Variants in TUSC3 observed in about 807,000 individuals in gnomAD.
The protein encoded by TUSC3 is dolichyl-diphosphooligosaccharide--protein glycosyltransferase subunit TUSC3.
TUSC3 carries 45 observed loss-of-function variants against 44.8 expected under a neutral mutation model. The ratio of observed to expected loss-of-function variants is 1.00; its 90% CI spans 0.79 to 1.29. TUSC3 has a LOEUF of 1.29. Among genes scored for constraint, TUSC3 ranks in the 50% most tolerant of loss-of-function variants. The pLI is 0.00. For missense variants in TUSC3, 519 were observed against 437.9 expected (o/e 1.19, Z -1.65); for synonymous variants, 212 against 152.9 (o/e 1.39, Z -2.85).
chr8:15,641,379 A>AT (rs1554466343), intron 2 of TUSC3, among the ~76,000 whole-genome samples: 2 of 151,034 alleles, frequency 1.3e-5, no homozygotes, highest in Non-Finnish European at 3.0e-5. Flanking sequence ...AAAAAAAAAA[A>AT]GAAAAGTTGC....
intron 6 of TUSC3, among the ~76,000 whole-genome samples, chr8:15,698,666 A>G (rs1399089852): frequency 6.6e-6 from 1 of 152,134 alleles, no homozygotes; most frequent in Non-Finnish European, 1.5e-5. Context: ...GATATTTAGG[A>G]TATTTTTTCT....
intron 1 of TUSC3, among the ~76,000 whole-genome samples, chr8:15,591,643 T>C (rs1017243791): frequency 1.3e-5 from 2 of 152,218 alleles, no homozygotes; most frequent in African/African-American, 4.8e-5. Flanking sequence ...GGAAAAGCTT[T>C]ATTTTTGACT....
intron 2 of TUSC3, among the ~76,000 whole-genome samples, chr8:15,489,230 G>C (rs1029456625): frequency 5.3e-5 from 8 of 152,164 alleles, no homozygotes; most frequent in African/African-American, 1.9e-4. Context: ...CTTGAAGTAG[G>C]GGTTTCTGGG....
At chr8:15,802,368 T>A in the TUSC3 span, among the ~76,000 whole-genome samples, 1 of 152,230 alleles carries the variant, frequency 6.6e-6, no homozygotes, top group Non-Finnish European at 1.5e-5. Context: ...ATTGAGCTAC[T>A]CCTCAAAGAT....
chr8:15,536,531 A>C (rs1801523230), upstream of TUSC3, among the ~76,000 whole-genome samples: 2 of 151,338 alleles, frequency 1.3e-5, no homozygotes, highest in South Asian at 4.2e-4. Flanking sequence ...AAAACACAAA[A>C]ATTAGCCGGG....
intron 1 of TUSC3, among the ~76,000 whole-genome samples, chr8:15,552,184 T>A (rs541720377): frequency 6.6e-6 from 1 of 151,964 alleles, no homozygotes; most frequent in South Asian, 2.1e-4. Context: ...ATGTAAGCAA[T>A]ACAAAATAAA....
the TUSC3 span, among the ~76,000 whole-genome samples, chr8:15,839,011 G>C: frequency 6.6e-6 from 1 of 152,084 alleles, no homozygotes; most frequent in Non-Finnish European, 1.5e-5. Context: ...TCTTCCACTT[G>C]TTTGTATCCT....
At chr8:15,456,435 G>T (rs751301285) in intron 1 of TUSC3, among the ~76,000 whole-genome samples, 2 of 152,074 alleles carry the variant, frequency 1.3e-5, no homozygotes, top group Non-Finnish European at 2.9e-5. Context: ...ATTTGGAAAC[G>T]TAAAGAGATA....
chr8:15,831,846 T>G, the TUSC3 span, among the ~76,000 whole-genome samples: 1 of 151,810 alleles, frequency 6.6e-6, no homozygotes, highest in Non-Finnish European at 1.5e-5. Flanking sequence ...ATGGAGAGAG[T>G]GTGAGCAACT....
chr8:15,701,111 T>G (rs1019473364), intron 6 of TUSC3, among the ~76,000 whole-genome samples: 1 of 152,062 alleles, frequency 6.6e-6, no homozygotes, highest in Non-Finnish European at 1.5e-5. Context: ...AAATGGACTT[T>G]AAAAAAATGT....
intron 2 of TUSC3, among the ~76,000 whole-genome samples, chr8:15,493,210 T>A (rs1168581488): frequency 6.6e-6 from 1 of 152,216 alleles, no homozygotes; most frequent in East Asian, 1.9e-4. Flanking sequence ...CTCTGATGTT[T>A]CTGTATTATT....
intron 5 of TUSC3, 72 bp from the exon 6 acceptor site, chr8:15,673,674 CA>C: frequency 8.2e-7 from 1 of 1,219,112 alleles, no homozygotes; most frequent in Non-Finnish European, 1.2e-6. Flanking sequence ...TCATGATGAC[CA>C]TTGTCTTTTA....
chr8:15,810,846 C>T, the TUSC3 span, among the ~76,000 whole-genome samples: 5 of 152,014 alleles, frequency 3.3e-5, no homozygotes, highest in Admixed American at 2.6e-4. Flanking sequence ...GAGAGTCTGA[C>T]GTAAAGATCC....
chr8:15,625,476 T>C (rs539606368), intron 2 of TUSC3, among the ~76,000 whole-genome samples: 16 of 152,224 alleles, frequency 1.1e-4, no homozygotes, highest in Non-Finnish European at 1.5e-4. Flanking sequence ...TCTGGAGATA[T>C]CTTCCAGAAA....
intron 7 of TUSC3, among the ~76,000 whole-genome samples, chr8:15,734,335 A>C (rs1426964918): frequency 6.6e-6 from 1 of 152,208 alleles, no homozygotes; most frequent in African/African-American, 2.4e-5. Flanking sequence ...ATCATAGGTT[A>C]TAGATTTATA....
chr8:15,843,621 T>TATATATACACAC, the TUSC3 span, among the ~76,000 whole-genome samples: 352 of 146,758 alleles, frequency 2.4e-3, 3 homozygotes, highest in African/African-American at 9.1e-3. Context: ...TATATATATA[T>TATATATACACAC]ACACGCACAT....
chr8:15,707,922 G>T (rs1430619598), intron 6 of TUSC3, among the ~76,000 whole-genome samples: 1 of 151,902 alleles, frequency 6.6e-6, no homozygotes. Flanking sequence ...AGTAGTTGCT[G>T]GCAATTGCTA....
At chr8:15,851,066 A>G in the TUSC3 span, among the ~76,000 whole-genome samples, 191 of 152,284 alleles carry the variant, frequency 1.3e-3, no homozygotes, top group Middle Eastern at 0.01. Context: ...TGTCTAAGTC[A>G]ATGGACGACG....
chr8:15,477,757 T>C (rs1800599530), intron 1 of TUSC3, among the ~76,000 whole-genome samples: 1 of 152,032 alleles, frequency 6.6e-6, no homozygotes, highest in African/African-American at 2.4e-5. Context: ...GAGAAATATA[T>C]TTGTGTATAC....
Sources: gnomAD v4.1 joint callset for allele counts (sites outside exome capture counted in the v4.1 genomes callset) on GRCh38, gnomAD v4.1.1 for gene constraint, MANE v1.5 for transcripts, NCBI Gene and HGNC (gene_info 2026-07-23, HGNC 2026-07-21) for gene names.